SAMD5: variants seen among roughly 807,000 people sequenced by gnomAD.
The protein encoded by SAMD5 is sterile alpha motif domain-containing protein 5.
In SAMD5, 13 loss-of-function variants were observed where a neutral mutation model predicts 11.3. The ratio of observed to expected loss-of-function variants is 1.15; its 90% CI spans 0.75 to 1.83. The LOEUF (loss-of-function observed/expected upper bound fraction) is 1.83, where lower values mean the gene tolerates loss of function less well. SAMD5 is among the 40% of genes most tolerant of loss of function. The probability of loss-of-function intolerance (pLI) is 0.00; values close to 1 mark genes in which losing one functional copy is unlikely to be tolerated. For synonymous variants in SAMD5, 129 were observed against 111.3 expected (o/e 1.16, Z -1.00); for missense variants, 255 against 239.1 (o/e 1.07, Z -0.44).
chr6:147,782,529 A>T, the SAMD5 span, among the ~76,000 whole-genome samples: 1 of 152,190 alleles, frequency 6.6e-6, no homozygotes, highest in Non-Finnish European at 1.5e-5. Flanking sequence ...CTATATGGAG[A>T]TGTTTATCCT....
the SAMD5 span, among the ~76,000 whole-genome samples, chr6:147,843,763 A>G: frequency 1.3e-5 from 2 of 152,200 alleles, no homozygotes; most frequent in Non-Finnish European, 2.9e-5. Context: ...CTCTTTAATA[A>G]ATAGTGTTGG....
chr6:147,693,690 G>A (rs1432247723), intron 1 of SAMD5, among the ~76,000 whole-genome samples: 1 of 152,222 alleles, frequency 6.6e-6, no homozygotes, highest in Non-Finnish European at 1.5e-5. Context: ...TTGGGGCCGG[G>A]CGCGGTGGCT....
At chr6:147,605,873 G>T (rs1789692325) in intron 1 of SAMD5, among the ~76,000 whole-genome samples, 1 of 151,994 alleles carries the variant, frequency 6.6e-6, no homozygotes, top group Admixed American at 6.6e-5. Context: ...AAGGCAAAGG[G>T]AATAAAACTG....
At chr6:147,744,115 C>A in the SAMD5 span, among the ~76,000 whole-genome samples, 2 of 152,218 alleles carry the variant, frequency 1.3e-5, no homozygotes, top group African/African-American at 4.8e-5. Context: ...GCACTGACTG[C>A]AAAAATGGTT....
chr6:147,883,306 G>A, the SAMD5 span, among the ~76,000 whole-genome samples: 5,903 of 152,246 alleles, frequency 0.039, 172 homozygotes, highest in Non-Finnish European at 0.058. Flanking sequence ...AAGGATTAGT[G>A]TGCCATTTCT....
chr6:147,842,095 C>T, the SAMD5 span, among the ~76,000 whole-genome samples: 1 of 152,216 alleles, frequency 6.6e-6, no homozygotes, highest in South Asian at 2.1e-4. Context: ...ATAATGAAAA[C>T]AGCACAGTTC....
the SAMD5 span, among the ~76,000 whole-genome samples, chr6:147,756,839 C>T: frequency 6.6e-6 from 1 of 152,182 alleles, no homozygotes; most frequent in Admixed American, 6.5e-5. Context: ...ATAGTCGTGT[C>T]GTGTAGCAAC....
intron 1 of SAMD5, among the ~76,000 whole-genome samples, chr6:147,537,212 G>A (rs1788523701): frequency 1.3e-5 from 2 of 152,236 alleles, no homozygotes. Flanking sequence ...AACGCTAAAC[G>A]CCGTTTTATA....
At chr6:147,669,346 A>T (rs1790763710) in intron 1 of SAMD5, among the ~76,000 whole-genome samples, 1 of 152,090 alleles carries the variant, frequency 6.6e-6, no homozygotes, top group Admixed American at 6.6e-5. Flanking sequence ...ACTCATTCAT[A>T]AGAAGCAACT....
the SAMD5 span, among the ~76,000 whole-genome samples, chr6:147,805,015 A>C: frequency 6.6e-6 from 1 of 152,278 alleles, no homozygotes; most frequent in Non-Finnish European, 1.5e-5. Flanking sequence ...AATTAAATAA[A>C]ATACCTGCAA....
At chr6:147,848,157 T>G in the SAMD5 span, among the ~76,000 whole-genome samples, 1 of 152,218 alleles carries the variant, frequency 6.6e-6, no homozygotes, top group African/African-American at 2.4e-5. Flanking sequence ...GTTAAGCTTG[T>G]CTTACATTAA....
chr6:147,647,915 C>G (rs1790428770), intron 1 of SAMD5, among the ~76,000 whole-genome samples: 1 of 152,170 alleles, frequency 6.6e-6, no homozygotes, highest in African/African-American at 2.4e-5. Flanking sequence ...GATGTTCACT[C>G]AAACCCGTTC....
At chr6:147,659,286 G>A (rs1239982726) in intron 1 of SAMD5, among the ~76,000 whole-genome samples, 19 of 151,970 alleles carry the variant, frequency 1.3e-4, no homozygotes, top group Non-Finnish European at 4.4e-5. Context: ...TAACATTATT[G>A]AATGTGGCAG....
chr6:147,772,497 G>A, the SAMD5 span, among the ~76,000 whole-genome samples: 1 of 152,152 alleles, frequency 6.6e-6, no homozygotes, highest in Non-Finnish European at 1.5e-5. Context: ...ACCACAGACT[G>A]GGTAGCTTAA....
intron 1 of SAMD5, among the ~76,000 whole-genome samples, chr6:147,578,471 C>A (rs1204814050): frequency 1.3e-5 from 2 of 152,150 alleles, no homozygotes; most frequent in Non-Finnish European, 2.9e-5. Context: ...CTTTAAAAAT[C>A]ACATCAGTTA....
At chr6:147,549,786 C>T (rs1356798484) in intron 1 of SAMD5, among the ~76,000 whole-genome samples, 1 of 151,948 alleles carries the variant, frequency 6.6e-6, no homozygotes, top group East Asian at 1.9e-4. Context: ...ACCACCGGAG[C>T]AAATTATGTA....
At chr6:147,814,754 C>T in the SAMD5 span, among the ~76,000 whole-genome samples, 2 of 152,126 alleles carry the variant, frequency 1.3e-5, no homozygotes, top group Non-Finnish European at 2.9e-5. Context: ...GATTTGTGTA[C>T]CTTTGCCATG....
the SAMD5 span, among the ~76,000 whole-genome samples, chr6:147,886,717 G>T: frequency 1.3e-5 from 2 of 152,136 alleles, no homozygotes; most frequent in Non-Finnish European, 2.9e-5. Flanking sequence ...ATAGCTTTGC[G>T]CAGTGGCAGT....
intron 1 of SAMD5, among the ~76,000 whole-genome samples, chr6:147,603,934 T>C (rs1789660408): frequency 6.6e-6 from 1 of 152,206 alleles, no homozygotes; most frequent in South Asian, 2.1e-4. Flanking sequence ...TTGATACTAC[T>C]CTCTAACATT....
Sources: allele counts gnomAD v4.1 joint callset (sites outside exome capture counted in the v4.1 genomes callset), GRCh38; gene constraint gnomAD v4.1.1; transcripts MANE v1.5; gene names NCBI Gene and HGNC (gene_info 2026-07-23, HGNC 2026-07-21).